Variants in LRRFIP1 observed in about 807,000 individuals in gnomAD.
The protein encoded by LRRFIP1 is leucine-rich repeat flightless-interacting protein 1.
LRRFIP1 carries 62 observed loss-of-function variants against 104.4 expected under a neutral mutation model. The observed-to-expected ratio is 0.59, with a 90% CI of 0.48 to 0.73. The LOEUF is 0.73. LRRFIP1 is among the 30% of genes least tolerant of loss of function. The pLI, the probability that LRRFIP1 is intolerant of heterozygous loss-of-function variation, is 0.00. For synonymous variants in LRRFIP1, 300 were observed against 299.0 expected (o/e 1.00, Z -0.03); for missense variants, 796 against 824.5 (o/e 0.97, Z 0.42).
intron 1 of LRRFIP1, among the ~76,000 whole-genome samples, chr2:237,640,661 G>A (rs549628647): frequency 1.3e-5 from 2 of 152,254 alleles, no homozygotes; most frequent in East Asian, 3.9e-4. Flanking sequence ...GCACATTGCC[G>A]AACTTCTTAA....
chr2:237,749,191 C>T lies in LRRFIP1; in HGVS notation c.670-8C>T, dbSNP rs371725990. 3.6e-5 allele frequency: 58 copies of T among 1,611,800 alleles called. No individual in the cohort carries two copies. Among genetic ancestry groups the T allele is most frequent in the Middle Eastern group, 1.9e-4 (1 of 5,220 alleles). ...CCATATCAGCATGTGATCCTCTCAA[C>T]GTTCCAGGGGTCTCGTAACATGCCG... On this transcript the variant is annotated splice_polypyrimidine_tract_variant and splice_region_variant and intron_variant, in intron 12 of 23. Transcript: ENST00000308482.
Position 237,677,685 on chromosome 2 carries a change from G to C in LRRFIP1, c.97-30859G>C, listed in dbSNP as rs1165377707. Reference sequence around the variant, plus strand: ...AATGTGAATTATTTGAAGTTTCAGTGCAGATCCCTTCTTATCACTGTATTA... The same window carrying C: ...AATGTGAATTATTTGAAGTTTCAGTCCAGATCCCTTCTTATCACTGTATTA... On this transcript the variant is annotated intron_variant, in intron 1 of 23. Transcript: ENST00000308482. Among the ~76,000 whole-genome samples the C allele has an allele frequency of 3.8e-4, 58 of 152,130 alleles. 2 individuals carry two copies. The highest frequency in any genetic ancestry group is 3.8e-3 in the Admixed American group (58 of 15,276).
rs1385731377 is a variant in LRRFIP1 at position 237,780,166 on chromosome 2, C to T, written c.*634C>T. ...TTGCATCAGTTCAGTCATAAGAATA[C>T]TTTTTTCCAGGGTAATTAGGCAATA... On this transcript the variant is annotated 3_prime_UTR_variant, in exon 24 of 24. Coordinates refer to ENST00000308482, the MANE Select transcript of LRRFIP1 (RefSeq NM_001137550.2). 2.0e-5 allele frequency: 3 copies of T among 152,116 alleles called. No individual in the cohort carries two copies. The highest frequency in any genetic ancestry group is 7.2e-5 in the African/African-American group (3 of 41,420). 9.4% of individuals were successfully genotyped at this position (152,116 alleles called of 1,614,324 possible). A position where few individuals can be genotyped will look rare whatever the true frequency, so the allele number is the denominator to read the frequency against.
chr2:237,693,567 A>T (rs2092960237), intron 1 of LRRFIP1, among the ~76,000 whole-genome samples: 1 of 152,020 alleles, frequency 6.6e-6, no homozygotes. Flanking sequence ...GCCGGTTTTT[A>T]CCCCTTCAAC....
chr2:237,710,293 T>C (rs2094006467), intron 2 of LRRFIP1, among the ~76,000 whole-genome samples: 1 of 151,892 alleles, frequency 6.6e-6, no homozygotes, highest in Non-Finnish European at 1.5e-5. Flanking sequence ...CTTTTTTTTT[T>C]CTTTTTTTGA....
intron 20 of LRRFIP1, 45 bp from the exon 21 acceptor site, chr2:237,772,036 T>C: frequency 2.1e-6 from 3 of 1,409,304 alleles, no homozygotes; most frequent in Non-Finnish European, 3.0e-6. Context: ...TTCGGTCTCA[T>C]TCAGAGTAGA....
intron 8 of LRRFIP1, chr2:237,729,835 A>G: frequency 2.0e-6 from 2 of 985,242 alleles, no homozygotes; most frequent in Non-Finnish European, 2.4e-6. Flanking sequence ...TCCAGGGAGG[A>G]GAAGTTGGTT....
intron 1 of LRRFIP1, among the ~76,000 whole-genome samples, chr2:237,706,975 G>A (rs894621686): frequency 1.4e-4 from 22 of 152,164 alleles, no homozygotes; most frequent in Non-Finnish European, 2.8e-4. Context: ...CTTGGAAATT[G>A]AAAATGGCAA....
intron 11 of LRRFIP1, among the ~76,000 whole-genome samples, chr2:237,746,273 G>C (rs928279838): frequency 1.3e-5 from 2 of 152,170 alleles, no homozygotes; most frequent in East Asian, 3.9e-4. Context: ...TGGCCAGGTT[G>C]GTCTCGAACT....
At position 237,649,117 on chromosome 2, in the gene LRRFIP1, G is replaced by C. The variant is rs1247394589; in HGVS notation, c.96+21377G>C. ...GCCCCTGGAGCTGGAGGAGGTGCTG[G>C]GCCATGGTTTGGAAGCTCGCATGGT... On this transcript the variant is annotated intron_variant, in intron 1 of 23. Transcript: ENST00000308482. This position sits in a 1 kb window ranked among gnomAD's most constrained non-coding sequence, Gnocchi z 4.1. Among the ~76,000 whole-genome samples, 1 of 151,762 alleles carries C rather than the reference G, an allele frequency of 6.6e-6. No individual in the cohort carries two copies. Among genetic ancestry groups the C allele is most frequent in the Admixed American group, 6.6e-5 (1 of 15,260 alleles).
chr2:237,739,472 G>A (rs966935654), intron 11 of LRRFIP1, among the ~76,000 whole-genome samples, 163 bp downstream of exon 11: 10 of 152,224 alleles, frequency 6.6e-5, no homozygotes, highest in African/African-American at 1.9e-4. Flanking sequence ...ATTGTTAGCT[G>A]TGCTTAGAGA....
intron 1 of LRRFIP1, among the ~76,000 whole-genome samples, chr2:237,643,692 G>A (rs187878897): frequency 1.4e-4 from 22 of 152,286 alleles, no homozygotes; most frequent in Non-Finnish European, 2.8e-4. Context: ...GATCACTAGC[G>A]TTTAGTGGCA....
chr2:237,731,734 C>T (rs1335363290), intron 8 of LRRFIP1, among the ~76,000 whole-genome samples: 1 of 152,110 alleles, frequency 6.6e-6, no homozygotes, highest in Non-Finnish European at 1.5e-5. Flanking sequence ...AACGATTCAC[C>T]CAAGTTCAGC....
chr2:237,696,223 A>G (rs2093176009), intron 1 of LRRFIP1, among the ~76,000 whole-genome samples: 1 of 144,470 alleles, frequency 6.9e-6, no homozygotes, highest in Non-Finnish European at 1.5e-5. Flanking sequence ...TTATTTGTGT[A>G]ATGAAGATGA....
At chr2:237,719,660 TTAA>T (rs1442315059) in intron 5 of LRRFIP1, 93 bp downstream of exon 5, 47 of 769,992 alleles carry the variant, frequency 6.1e-5, no homozygotes, top group Admixed American at 3.7e-4. Flanking sequence ...ATTCAATCTC[TTAA>T]TGATGATATC....
rs45576531 is a variant in LRRFIP1, at chr2:237,729,218, C to T, written c.444+1283C>T. ...CTGGGATTACAGGCATGAGCCATGG[C>T]ACCCGGCTGGATGCGACATTTTAAA... On this transcript the variant is annotated intron_variant, in intron 8 of 23. Coordinates refer to ENST00000308482, the MANE Select transcript of LRRFIP1 (RefSeq NM_001137550.2). 6.5e-3 allele frequency among the ~76,000 whole-genome samples: 991 copies of T among 152,338 alleles called. 8 individuals are homozygous for T. Among genetic ancestry groups the T allele is most frequent in the South Asian group, 0.04 (192 of 4,828 alleles).
intron 1 of LRRFIP1, among the ~76,000 whole-genome samples, chr2:237,690,686 GAGA>G: frequency 6.6e-6 from 1 of 150,550 alleles, no homozygotes; most frequent in Admixed American, 6.6e-5. Context: ...GCGGTGAGCC[GAGA>G]TCGCGCCATT....
intron 1 of LRRFIP1, among the ~76,000 whole-genome samples, chr2:237,644,728 C>T (rs2084588954): frequency 1.3e-5 from 2 of 152,238 alleles, no homozygotes; most frequent in East Asian, 1.9e-4. Context: ...CTGGGATCCA[C>T]ATTGCATTTT....
Position 237,764,613 on chromosome 2 carries a change from A to C in LRRFIP1, c.1459+4408A>C, listed in dbSNP as rs371361272. On this transcript the variant is annotated intron_variant, in intron 19 of 23. Transcript: ENST00000308482. ...TTTCATATTTGATTTTAAAATGTACATTATAACCTGTATGGTATTTTATTT... is the reference window on the plus strand; with the variant it reads ...TTTCATATTTGATTTTAAAATGTACCTTATAACCTGTATGGTATTTTATTT... 1.2e-5 allele frequency: 12 copies of C among 994,264 alleles called. No homozygotes were observed. The African/African-American group carries it at 1.7e-4, about 14-fold the overall frequency. The allele number at this position is 994,264 out of a possible 1,614,324, so 61.6% of individuals were successfully genotyped here.
Sources: gnomAD v4.1 joint callset for allele counts (sites outside exome capture counted in the v4.1 genomes callset) on GRCh38, gnomAD v4.1.1 for gene constraint, Gnocchi (gnomAD v3.1) non-coding constraint, MANE v1.5 for transcripts, NCBI Gene and HGNC (gene_info 2026-07-23, HGNC 2026-07-21) for gene names.